Variants in DOCK4 observed in about 807,000 individuals in gnomAD.
The protein encoded by DOCK4 is dedicator of cytokinesis protein 4.
In DOCK4, 97 loss-of-function variants were observed where a neutral mutation model predicts 268.1. The ratio of observed to expected loss-of-function variants is 0.36; its 90% CI spans 0.31 to 0.43. The LOEUF is 0.43. Ranked by LOEUF, DOCK4 falls within the 20% of genes least tolerant of loss-of-function variation. The pLI is 1.00. For missense variants in DOCK4, 2,145 were observed against 2,455.7 expected, an observed-to-expected ratio of 0.87 and a Z score of 2.67; for synonymous variants, 954 against 887.2, an observed-to-expected ratio of 1.08 and a Z score of -1.34.
At chr7:111,877,312 T>C (rs1806982207) in intron 16 of DOCK4, 126 bp from the exon 17 acceptor site, 19 of 913,530 alleles carry the variant, frequency 2.1e-5, no homozygotes, top group Non-Finnish European at 2.7e-5. Flanking sequence ...AAGTAGAATT[T>C]GGTTTTTAAA....
In DOCK4 at chr7:112,055,536, C is replaced by G. The variant is rs183736688; in HGVS notation, c.38-51405G>C. On this transcript the variant is annotated intron_variant, in intron 1 of 52. Transcript: ENST00000428084. ...GAATCGACTTTTTTTTCTTCCCCAT[C>G]ATCATAAGCAGACAACAATGAATGA... Among the ~76,000 whole-genome samples, 99 of 152,248 alleles carry G rather than the reference C, an allele frequency of 6.5e-4. 1 individual carries two copies. Among genetic ancestry groups the G allele is most frequent in the Non-Finnish European group, 1.1e-3 (73 of 68,012 alleles).
chr7:112,007,288 T>A (rs1036770075), intron 1 of DOCK4, among the ~76,000 whole-genome samples: 1 of 152,114 alleles, frequency 6.6e-6, no homozygotes. Flanking sequence ...AGCATGAACA[T>A]CTGAGTATAA....
At chr7:112,059,595 T>A (rs921970490) in intron 1 of DOCK4, among the ~76,000 whole-genome samples, 1 of 152,222 alleles carries the variant, frequency 6.6e-6, no homozygotes, top group Admixed American at 6.5e-5. Flanking sequence ...CACCAACTCA[T>A]GACATGATAA....
At chr7:111,893,454 G>C (rs1808459097) in intron 16 of DOCK4, among the ~76,000 whole-genome samples, 1 of 152,132 alleles carries the variant, frequency 6.6e-6, no homozygotes, top group Non-Finnish European at 1.5e-5. Flanking sequence ...TGAGGAAACG[G>C]GGAGCCCAGT....
intron 7 of DOCK4, among the ~76,000 whole-genome samples, chr7:111,983,862 G>GCGCGCA: frequency 6.9e-4 from 95 of 138,638 alleles, no homozygotes; most frequent in African/African-American, 2.1e-3. Flanking sequence ...GCGCGCGCGC[G>GCGCGCA]CACACACACA....
chr7:111,741,034 A>G (rs1795883094), intron 47 of DOCK4, 60 bp downstream of exon 47: 1 of 1,597,910 alleles, frequency 6.3e-7, no homozygotes, highest in East Asian at 2.2e-5. Flanking sequence ...ATGAACAGAA[A>G]CACTCATGAT....
At chr7:112,080,114 G>GA (rs1808446513) in intron 1 of DOCK4, among the ~76,000 whole-genome samples, 1 of 152,014 alleles carries the variant, frequency 6.6e-6, no homozygotes, top group Non-Finnish European at 1.5e-5. Flanking sequence ...ATTCAAAAAA[G>GA]AATCAGTATT....
intron 12 of DOCK4, among the ~76,000 whole-genome samples, chr7:111,916,978 A>ATTTTTTTTT (rs1562883508): frequency 1.2e-5 from 1 of 83,018 alleles, no homozygotes; most frequent in East Asian, 4.8e-4. Flanking sequence ...CCTTTCCCCC[A>ATTTTTTTTT]TGTTTTTTTT....
chr7:111,894,964 T>C (rs906526315), intron 16 of DOCK4, among the ~76,000 whole-genome samples: 8 of 152,290 alleles, frequency 5.3e-5, no homozygotes, highest in African/African-American at 1.9e-4. Flanking sequence ...TACACAGTTA[T>C]AGAAATGGAG....
intron 1 of DOCK4, among the ~76,000 whole-genome samples, chr7:112,151,072 A>C (rs1231089147): frequency 2.0e-5 from 3 of 152,154 alleles, no homozygotes; most frequent in Non-Finnish European, 4.4e-5. Flanking sequence ...AGGAGGAGTA[A>C]CTTAATTCTG....
intron 22 of DOCK4, among the ~76,000 whole-genome samples, chr7:111,865,682 G>T (rs1805913843): frequency 1.3e-5 from 2 of 152,206 alleles, no homozygotes. Context: ...AAAATATGGA[G>T]ATTTATCCAG....
At chr7:112,041,640 TG>T (rs1322920942) in intron 1 of DOCK4, among the ~76,000 whole-genome samples, 1 of 152,200 alleles carries the variant, frequency 6.6e-6, no homozygotes, top group Non-Finnish European at 1.5e-5. Context: ...CATTTCACCA[TG>T]GGGGTAACAC....
intron 1 of DOCK4, among the ~76,000 whole-genome samples, chr7:112,081,188 C>A (rs1808550273): frequency 6.6e-6 from 1 of 152,084 alleles, no homozygotes; most frequent in South Asian, 2.1e-4. Flanking sequence ...CGCAGTCAGA[C>A]AGGAATGCGA....
intron 1 of DOCK4, among the ~76,000 whole-genome samples, chr7:112,044,007 T>TA (rs1165891472): frequency 6.6e-6 from 1 of 150,574 alleles, no homozygotes; most frequent in Non-Finnish European, 1.5e-5. Flanking sequence ...CATAGTGACT[T>TA]AAATGCTTTA....
intron 30 of DOCK4, among the ~76,000 whole-genome samples, chr7:111,791,990 A>G (rs1313610520): frequency 3.9e-5 from 6 of 152,254 alleles, no homozygotes; most frequent in Admixed American, 1.3e-4. Context: ...TGAACCCACA[A>G]TGGTGTTTTA....
chr7:111,949,673 TA>T (rs1056899036), intron 8 of DOCK4, among the ~76,000 whole-genome samples: 2 of 151,874 alleles, frequency 1.3e-5, no homozygotes, highest in Non-Finnish European at 1.5e-5. Context: ...CTATGGCCAA[TA>T]AAAAAAATTC....
intron 1 of DOCK4, among the ~76,000 whole-genome samples, chr7:112,119,708 G>A (rs1227727105): frequency 6.6e-6 from 1 of 152,160 alleles, no homozygotes; most frequent in Non-Finnish European, 1.5e-5. Flanking sequence ...GGAACTCACT[G>A]ATTCTTCTGA....
chr7:111,853,131 C>CAAGG (rs1369342968), intron 23 of DOCK4, among the ~76,000 whole-genome samples: 1 of 152,158 alleles, frequency 6.6e-6, no homozygotes, highest in Non-Finnish European at 1.5e-5. Context: ...TAGGAAGGAA[C>CAAGG]AAGGGAAGCT....
At chr7:111,945,248 C>T (rs929515254) in intron 9 of DOCK4, among the ~76,000 whole-genome samples, 2 of 152,142 alleles carry the variant, frequency 1.3e-5, no homozygotes, top group African/African-American at 2.4e-5. Flanking sequence ...TGCAGTGGTG[C>T]GATCTCAGCT....
Sources: gnomAD v4.1 joint callset for allele counts (sites outside exome capture counted in the v4.1 genomes callset) on GRCh38, gnomAD v4.1.1 for gene constraint, MANE v1.5 for transcripts, NCBI Gene and HGNC (gene_info 2026-07-23, HGNC 2026-07-21) for gene names.